Variants in RNF130 observed in about 807,000 individuals in gnomAD.
The protein encoded by RNF130 is E3 ubiquitin-protein ligase RNF130.
In RNF130, 21 loss-of-function variants were observed where a neutral mutation model predicts 44.6. The observed-to-expected ratio is 0.47, with a 90% CI of 0.33 to 0.68. The LOEUF (loss-of-function observed/expected upper bound fraction) is 0.68. Among genes scored for constraint, RNF130 ranks in the 30% least tolerant of loss-of-function variants. The probability of loss-of-function intolerance (pLI) is 0.02; values close to 1 mark genes in which losing one functional copy is unlikely to be tolerated. For missense variants in RNF130, 479 were observed against 560.6 expected (o/e 0.85, Z 1.47); for synonymous variants, 214 against 210.4 (o/e 1.02, Z -0.15).
intron 7 of RNF130, among the ~76,000 whole-genome samples, chr5:179,942,521 T>C (rs1051639529): frequency 1.3e-5 from 2 of 152,174 alleles, no homozygotes; most frequent in Non-Finnish European, 2.9e-5. Context: ...AAATAGTAAG[T>C]GGAAGCCCAG....
chr5:179,981,833 CTA>C (rs1260171503), intron 3 of RNF130, among the ~76,000 whole-genome samples: 2 of 152,220 alleles, frequency 1.3e-5, no homozygotes, highest in Non-Finnish European at 2.9e-5. Flanking sequence ...GAAGCCTAAT[CTA>C]TGAGTCCCTT....
At chr5:180,068,099 A>G (rs1041007673) in intron 1 of RNF130, among the ~76,000 whole-genome samples, 1 of 152,214 alleles carries the variant, frequency 6.6e-6, no homozygotes, top group African/African-American at 2.4e-5. Flanking sequence ...AGTGGCCGAT[A>G]CTAAACTCTT....
Position 179,966,890 on chromosome 5 carries a change from G to A in RNF130, c.1066C>T (p.Pro356Ser), listed in dbSNP as rs1349349292. ...GGTGAGATCCCCGAAGTTCGAAGTG[G>A]CTCAAGGCCAAGGGAGTTGTCGCCG... ...LAGDNSLGLE[P>S]LRTSGISPLP... The change falls in exon 7 of 9, where the codon CCA (proline) becomes TCA (serine). Residue 356 changes from proline (P) to serine (S), a missense_variant. Pro to Ser is a moderately conservative substitution (Grantham distance 74). This residue lies in a region of RNF130 where 161 missense variants were observed against 158.6 expected (regional missense o/e 1.02). Coordinates refer to ENST00000521389, the MANE Select transcript of RNF130 (RefSeq NM_018434.6). 1.2e-6 allele frequency: 2 copies of A among 1,614,110 alleles called. No individual in the cohort carries two copies. The highest frequency in any genetic ancestry group is 1.7e-6 in the Non-Finnish European group (2 of 1,180,050).
chr5:179,952,759 T>C (rs1443271964), downstream of RNF130, among the ~76,000 whole-genome samples: 1 of 152,160 alleles, frequency 6.6e-6, no homozygotes, highest in Non-Finnish European at 1.5e-5. Flanking sequence ...ATCATCCCAA[T>C]AGACACAAAG....
intron 3 of RNF130, among the ~76,000 whole-genome samples, chr5:179,996,903 T>C (rs949102128): frequency 2.0e-4 from 30 of 152,198 alleles, no homozygotes; most frequent in African/African-American, 6.8e-4. Context: ...AGCTCTTCTT[T>C]AAATGTTTGG....
intron 2 of RNF130, among the ~76,000 whole-genome samples, chr5:180,027,905 T>A (rs1292064637): frequency 6.6e-6 from 1 of 152,224 alleles, no homozygotes; most frequent in Non-Finnish European, 1.5e-5. Flanking sequence ...CACACCCCAG[T>A]GCAGCGCTGG....
At position 180,033,563 on chromosome 5, in the gene RNF130, G is replaced by A. The variant is rs141302041; in HGVS notation, c.442+6890C>T. 3.0e-3 allele frequency among the ~76,000 whole-genome samples: 454 copies of A among 152,134 alleles called. 3 individuals are homozygous for A. Among genetic ancestry groups the A allele is most frequent in the African/African-American group, 9.6e-3 (397 of 41,540 alleles). ...ACATGGTGAAACCATGGTGGTGTGC[G>A]CCTATAATCCCAGCTGCTCGGGAGT... On this transcript the variant is annotated intron_variant, in intron 2 of 8. Coordinates refer to ENST00000521389, the MANE Select transcript of RNF130 (RefSeq NM_018434.6).
At chr5:179,976,316 T>C (rs780983203) in intron 5 of RNF130, among the ~76,000 whole-genome samples, 7 of 152,160 alleles carry the variant, frequency 4.6e-5, no homozygotes, top group Admixed American at 1.3e-4. Context: ...AATATACCCA[T>C]GAATGGTTTT....
chr5:180,009,903 G>A (rs576193695), intron 3 of RNF130, among the ~76,000 whole-genome samples: 1 of 151,904 alleles, frequency 6.6e-6, no homozygotes, highest in Non-Finnish European at 1.5e-5. Context: ...CCAAACCATG[G>A]GATATAGTTC....
In RNF130 at chr5:180,064,415, ACCTGC is replaced by A. The variant is rs542360363; in HGVS notation, c.247+7036_247+7040del. On this transcript the variant is annotated intron_variant, in intron 1 of 8. Coordinates refer to ENST00000521389, the MANE Select transcript of RNF130 (RefSeq NM_018434.6). ...GACACACACCTGCCCCAGTCACCCT[ACCTGC>A]CCATAGTCCCCAGAGGCAACCACTT... is the stretch of plus-strand genomic sequence containing the variant. 3.7e-3 allele frequency among the ~76,000 whole-genome samples: 563 copies of A among 152,232 alleles called. 4 individuals are homozygous for A. The highest frequency in any genetic ancestry group is 0.013 in the African/African-American group (526 of 41,542).
chr5:179,951,668 G>A (rs942288162), downstream of RNF130, among the ~76,000 whole-genome samples: 5 of 152,122 alleles, frequency 3.3e-5, no homozygotes, highest in African/African-American at 4.8e-5. Context: ...ATGTTAGGTC[G>A]TAAGAGAAGC....
intron 7 of RNF130, among the ~76,000 whole-genome samples, chr5:179,920,596 C>T (rs886568026): frequency 1.3e-5 from 2 of 152,094 alleles, no homozygotes; most frequent in Non-Finnish European, 2.9e-5. Context: ...CTTCAATTCA[C>T]GCAGGCTTTA....
At chr5:180,054,455 CCTCT>C (rs1422410740) in intron 1 of RNF130, among the ~76,000 whole-genome samples, 2 of 152,130 alleles carry the variant, frequency 1.3e-5, no homozygotes, top group African/African-American at 2.4e-5. Context: ...CCTCCCTCTC[CCTCT>C]AACTTCTCCG....
rs951390339 is a variant in RNF130, at chr5:179,973,422, C to A, written c.849-2916G>T. ...CTGTGGCCTTTTCTTCCCTTCTAGG[C>A]AAAGTTCTGCTACAACAGTCTGGTG... On this transcript the variant is annotated intron_variant, in intron 5 of 8. Transcript: ENST00000521389. 3.9e-5 allele frequency among the ~76,000 whole-genome samples: 6 copies of A among 152,310 alleles called. No homozygotes were observed. The East Asian group carries it at 1.2e-3, about 29-fold the overall frequency.
intron 8 of RNF130, among the ~76,000 whole-genome samples, chr5:179,962,793 C>T (rs1399445255): frequency 6.6e-6 from 1 of 152,188 alleles, no homozygotes; most frequent in African/African-American, 2.4e-5. Context: ...CCAGCCTCTG[C>T]CTACATTCCC....
At chr5:180,041,428 T>C (rs892869899) in intron 1 of RNF130, among the ~76,000 whole-genome samples, 8 of 152,236 alleles carry the variant, frequency 5.3e-5, no homozygotes, top group Non-Finnish European at 1.2e-4. Flanking sequence ...GGATAGTTTA[T>C]TTAAAATACT....
intron 2 of RNF130, among the ~76,000 whole-genome samples, chr5:180,030,481 AC>A (rs934651706): frequency 3.3e-5 from 5 of 151,762 alleles, no homozygotes; most frequent in African/African-American, 1.2e-4. Flanking sequence ...CATTTCCATC[AC>A]CCCCCAGAAA....
At chr5:179,980,334 T>C (rs1476279545) in intron 3 of RNF130, 134 bp from the exon 4 acceptor site, 5 of 733,116 alleles carry the variant, frequency 6.8e-6, no homozygotes, top group African/African-American at 3.6e-5. Flanking sequence ...AAGAGAATGA[T>C]AAAATAGAAA....
intron 2 of RNF130, among the ~76,000 whole-genome samples, chr5:180,029,275 G>A (rs533755239): frequency 6.6e-6 from 1 of 152,262 alleles, no homozygotes; most frequent in Non-Finnish European, 1.5e-5. Context: ...AAGAAACTGA[G>A]ACAGCTATGG....
Sources: allele counts gnomAD v4.1 joint callset (sites outside exome capture counted in the v4.1 genomes callset), GRCh38; gene constraint gnomAD v4.1.1; regional missense constraint gnomAD v4.1.1; transcripts MANE v1.5; gene names NCBI Gene and HGNC (gene_info 2026-07-23, HGNC 2026-07-21).